Variants in SPATA13 observed in about 807,000 individuals in gnomAD.
SPATA13 encodes the protein spermatogenesis-associated protein 13.
A neutral mutation model predicts 104.0 loss-of-function variants in SPATA13; 50 were observed. The observed-to-expected ratio is 0.48, with a 90% CI of 0.38 to 0.61. The LOEUF (loss-of-function observed/expected upper bound fraction) is 0.61. Ranked by LOEUF, SPATA13 falls within the 20% of genes least tolerant of loss-of-function variation. The pLI is 0.00. For synonymous variants in SPATA13, 606 were observed against 667.5 expected, an observed-to-expected ratio of 0.91 and a Z score of 1.42; for missense variants, 1,524 against 1,690.6, an observed-to-expected ratio of 0.90 and a Z score of 1.73.
At chr13:24,200,313 T>C (rs1870321824) in intron 1 of SPATA13, among the ~76,000 whole-genome samples, 1 of 152,210 alleles carries the variant, frequency 6.6e-6, no homozygotes, top group Non-Finnish European at 1.5e-5. Flanking sequence ...GTTAGCCCTG[T>C]TGTATGTTTC....
rs564250339 is a variant in SPATA13 at position 24,072,471 on chromosome 13, G to T, written c.-112+54770G>T. The stretch of plus-strand genomic sequence containing the variant: ...GTGCTCGTGGCAGGGCTGGACATGG[G>T]CCATCCTGTTCTATCAGGGCTTCTG... On this transcript the variant is annotated intron_variant, in intron 3 of 14. Coordinates refer to the SPATA13 transcript ENST00000424834. 3.3e-5 allele frequency among the ~76,000 whole-genome samples: 5 copies of T among 152,268 alleles called. No individual in the cohort carries two copies. The East Asian group carries it at 9.7e-4, about 29-fold the overall frequency.
intron 3 of SPATA13, among the ~76,000 whole-genome samples, chr13:24,143,023 G>A (rs147654610): frequency 2.0e-5 from 3 of 152,312 alleles, no homozygotes; most frequent in Non-Finnish European, 2.9e-5. Context: ...TGAGACAATG[G>A]CTTGAGTCCA....
At chr13:24,015,728 A>G (rs903903030) in intron 2 of SPATA13, among the ~76,000 whole-genome samples, 3 of 70,042 alleles carry the variant, frequency 4.3e-5, no homozygotes, top group Non-Finnish European at 8.5e-5. Context: ...CTTTGGGGCG[A>G]CCCCTGGCAG....
At chr13:24,067,573 T>C (rs1403256905) in intron 3 of SPATA13, among the ~76,000 whole-genome samples, 1 of 152,192 alleles carries the variant, frequency 6.6e-6, no homozygotes, top group Non-Finnish European at 1.5e-5. Flanking sequence ...TTAAAATCCA[T>C]TGAGATGGAA....
At chr13:24,122,294 T>C in intron 3 of SPATA13, 1 of 1,374,906 alleles carries the variant, frequency 7.3e-7, no homozygotes, top group Non-Finnish European at 1.0e-6. Context: ...AAAGATAGTT[T>C]GAAACTATTC....
At chr13:24,008,872 A>G (rs1876343586) in intron 2 of SPATA13, among the ~76,000 whole-genome samples, 1 of 152,182 alleles carries the variant, frequency 6.6e-6, no homozygotes, top group African/African-American at 2.4e-5. Flanking sequence ...CAGGCCCCAG[A>G]CAGCCATTCA....
intron 2 of SPATA13, among the ~76,000 whole-genome samples, chr13:24,238,349 G>A (rs1872678074): frequency 6.6e-6 from 1 of 152,060 alleles, no homozygotes; most frequent in African/African-American, 2.4e-5. Context: ...TAGGGACAGG[G>A]TTTTGCCATG....
At chr13:24,220,822 G>A (rs1871539237) in intron 1 of SPATA13, among the ~76,000 whole-genome samples, 1 of 152,206 alleles carries the variant, frequency 6.6e-6, no homozygotes, top group Non-Finnish European at 1.5e-5. Context: ...CCTTCTCACT[G>A]GAAATGATGT....
chr13:24,148,351 G>A (rs761003008), intron 3 of SPATA13, among the ~76,000 whole-genome samples: 1 of 140,500 alleles, frequency 7.1e-6, no homozygotes, highest in African/African-American at 2.5e-5. Context: ...AGAACACAAG[G>A]CTTTTTTGTT....
chr13:24,279,195 T>A (rs1209139954), intron 4 of SPATA13, among the ~76,000 whole-genome samples: 6 of 151,920 alleles, frequency 3.9e-5, no homozygotes, highest in Non-Finnish European at 8.8e-5. Flanking sequence ...TTGAGTGGTA[T>A]GGTGAAGGTG....
chr13:24,103,501 AAC>A (rs1491559290), intron 3 of SPATA13, among the ~76,000 whole-genome samples: 1 of 149,412 alleles, frequency 6.7e-6, no homozygotes, highest in African/African-American at 2.4e-5. Flanking sequence ...AAAAAAAAAA[AAC>A]AAGAAAGAAA....
intron 3 of SPATA13, among the ~76,000 whole-genome samples, chr13:24,086,720 A>T (rs572198706): frequency 4.6e-5 from 7 of 152,138 alleles, no homozygotes; most frequent in African/African-American, 1.7e-4. Flanking sequence ...AAACCTTTTC[A>T]TAGTAGACAC....
Position 24,239,516 on chromosome 13 carries a change from G to A in SPATA13, c.1654-9961G>A, listed in dbSNP as rs139999453. ...TTAAGACCAGCTTGGGCAACATGGC[G>A]AAACTCTGTCTCTGCTAAAACTAGA... On this transcript the variant is annotated intron_variant, in intron 2 of 12. Coordinates refer to ENST00000382108, the MANE Select transcript of SPATA13 (RefSeq NM_001166271.3). Among the ~76,000 whole-genome samples the A allele has an allele frequency of 3.1e-3, 471 of 151,096 alleles. 2 individuals are homozygous for A. Among genetic ancestry groups the A allele is most frequent in the African/African-American group, 0.011 (462 of 40,800 alleles).
intron 3 of SPATA13, among the ~76,000 whole-genome samples, chr13:24,054,675 T>C (rs1878477160): frequency 6.6e-6 from 1 of 152,228 alleles, no homozygotes; most frequent in Admixed American, 6.5e-5. Flanking sequence ...AATATAATAA[T>C]AGTAGCGCAC....
intron 5 of SPATA13, among the ~76,000 whole-genome samples, chr13:24,284,481 T>C (rs1285988252): frequency 6.6e-6 from 1 of 152,020 alleles, no homozygotes. Context: ...GCCAACATAG[T>C]GAAACCCTGT....
At position 24,047,885 on chromosome 13, in the gene SPATA13, T is replaced by C. The variant is rs1056693495; in HGVS notation, c.-112+30184T>C. On this transcript the variant is annotated intron_variant, in intron 3 of 14. Transcript: ENST00000424834. ...TGTGGGAGAGCTGGTGTAGTTCCTG[T>C]CTAAACCCAAAGGCCTGAGAAACAG... 3.3e-5 allele frequency among the ~76,000 whole-genome samples: 5 copies of C among 152,234 alleles called. No homozygotes were observed. In the South Asian group the frequency reaches 8.3e-4, roughly 25 times the overall value.
chr13:24,106,874 A>G (rs534682822), intron 3 of SPATA13, among the ~76,000 whole-genome samples: 19 of 152,320 alleles, frequency 1.2e-4, no homozygotes, highest in Admixed American at 9.2e-4. Flanking sequence ...GATAAAGCAG[A>G]TCGAGTGAGT....
chr13:24,080,551 G>T (rs1281837908), intron 3 of SPATA13, among the ~76,000 whole-genome samples: 2 of 152,236 alleles, frequency 1.3e-5, no homozygotes, highest in Non-Finnish European at 2.9e-5. Flanking sequence ...GGGAAGTCAA[G>T]CCAGTCAGGC....
At chr13:24,261,729 A>G (rs1237551376) in intron 4 of SPATA13, among the ~76,000 whole-genome samples, 3 of 152,054 alleles carry the variant, frequency 2.0e-5, no homozygotes, top group Non-Finnish European at 4.4e-5. Context: ...GTGTAGAGAG[A>G]AAAATACCCA....
Sources: gnomAD v4.1 joint callset for allele counts (sites outside exome capture counted in the v4.1 genomes callset) on GRCh38, gnomAD v4.1.1 for gene constraint, MANE v1.5 for transcripts, NCBI Gene and HGNC (gene_info 2026-07-23, HGNC 2026-07-21) for gene names.